Variants in CYP3A5 observed in about 807,000 individuals in gnomAD.
CYP3A5 encodes cytochrome P450 3A5.
CYP3A5 carries 51 observed loss-of-function variants against 55.9 expected under a neutral mutation model. The observed-to-expected ratio is 0.91, with a 90% CI of 0.73 to 1.15. The LOEUF (loss-of-function observed/expected upper bound fraction) is 1.15, where lower values mean the gene tolerates loss of function less well. Among genes scored for constraint, CYP3A5 ranks in the 50% most tolerant of loss-of-function variants. The pLI, the probability that CYP3A5 is intolerant of heterozygous loss-of-function variation, is 0.00. For missense variants in CYP3A5, 533 were observed against 596.6 expected (o/e 0.89, Z 1.11); for synonymous variants, 196 against 213.9 (o/e 0.92, Z 0.73).
At chr7:99,674,501 G>T in intron 3 of CYP3A5, 32 bp downstream of exon 3, 1 of 1,586,008 alleles carries the variant, frequency 6.3e-7, no homozygotes, top group Non-Finnish European at 8.7e-7. Flanking sequence ...ACAGTAGCAG[G>T]TCTATCCAAT....
chr7:99,669,672 G>A (rs960866316), intron 4 of CYP3A5, among the ~76,000 whole-genome samples: 9 of 152,012 alleles, frequency 5.9e-5, no homozygotes, highest in Non-Finnish European at 1.2e-4. Context: ...CTACAGATAC[G>A]GCACAACTTG....
At chr7:99,658,451 A>C (rs1396428495) in intron 10 of CYP3A5, among the ~76,000 whole-genome samples, 3 of 152,040 alleles carry the variant, frequency 2.0e-5, no homozygotes, top group African/African-American at 7.3e-5. Flanking sequence ...CGAGAGATCC[A>C]CTGTTAGTCT....
At chr7:99,678,372 G>T (rs1812497876) in intron 1 of CYP3A5, among the ~76,000 whole-genome samples, 1 of 152,240 alleles carries the variant, frequency 6.6e-6, no homozygotes, top group East Asian at 1.9e-4. Context: ...CTACCTGGAA[G>T]CCTTTGCTAT....
At chr7:99,652,445 C>A in intron 11 of CYP3A5, 108 bp downstream of exon 11, 10 of 728,972 alleles carry the variant, frequency 1.4e-5, no homozygotes, top group Non-Finnish European at 1.5e-5. Context: ...AAAAGACTTA[C>A]AAGCAAATGA....
chr7:99,673,716 G>A (rs561870530), intron 3 of CYP3A5, among the ~76,000 whole-genome samples: 1 of 152,286 alleles, frequency 6.6e-6, no homozygotes, highest in African/African-American at 2.4e-5. Context: ...GAATCAATGT[G>A]GGAAGGAGAT....
At chr7:99,652,361 C>T in intron 11 of CYP3A5, 192 bp downstream of exon 11, 1 of 468,058 alleles carries the variant, frequency 2.1e-6, no homozygotes, top group Non-Finnish European at 3.8e-6. Flanking sequence ...TGTGCTGGGA[C>T]TGTGGATGGA....
intron 11 of CYP3A5, among the ~76,000 whole-genome samples, chr7:99,651,610 G>T (rs982045431): frequency 3.9e-5 from 6 of 152,158 alleles, no homozygotes; most frequent in Non-Finnish European, 5.9e-5. Flanking sequence ...ACAAGACAAG[G>T]TTCCTCCCAT....
chr7:99,676,687 C>T, intron 1 of CYP3A5: 4 of 592,782 alleles, frequency 6.7e-6, no homozygotes, highest in South Asian at 1.4e-5. Context: ...TGACACTGCC[C>T]TTACAATTTG....
rs1810301000 is a variant in CYP3A5 at position 99,660,312 on chromosome 7, T to C, written c.1026+187A>G. ...CCAGCAATATTGTACAAAGATCTTA[T>C]GCTTCTGCCAGTAGCAACCGTTCTC... On this transcript the variant is annotated intron_variant, in intron 10 of 12. Coordinates refer to ENST00000222982, the MANE Select transcript of CYP3A5 (RefSeq NM_000777.5). 5.0e-6 allele frequency: 6 copies of C among 1,207,350 alleles called. No individual in the cohort carries two copies. In the South Asian group the frequency reaches 8.6e-5, roughly 17 times the overall value. The allele number at this position is 1,207,350 out of a possible 1,614,324, so 74.8% of individuals were successfully genotyped here.
chr7:99,652,981 A>G (rs1258266862), intron 10 of CYP3A5, among the ~76,000 whole-genome samples: 2 of 152,176 alleles, frequency 1.3e-5, no homozygotes, highest in Non-Finnish European at 2.9e-5. Flanking sequence ...GGAGTTATGA[A>G]TGTAGGAGAT....
chr7:99,660,703 A>G (rs1342035887), intron 9 of CYP3A5, 44 bp from the exon 10 acceptor site: 1 of 1,602,786 alleles, frequency 6.2e-7, no homozygotes, highest in Non-Finnish European at 8.5e-7. Context: ...AGGTCAACGT[A>G]CAACATCACA....
intron 10 of CYP3A5, chr7:99,660,067 C>T (rs1471812773): frequency 5.3e-6 from 2 of 376,122 alleles, no homozygotes; most frequent in African/African-American, 4.4e-5. Flanking sequence ...ACTGCACCCA[C>T]TGTCCTGCAC....
intron 11 of CYP3A5, 183 bp downstream of exon 11, chr7:99,652,370 G>T: frequency 2.0e-6 from 1 of 490,726 alleles, no homozygotes; most frequent in Non-Finnish European, 3.6e-6. Flanking sequence ...ACTGTGGATG[G>T]ATGTAGTTTC....
In CYP3A5 at chr7:99,666,850, A is replaced by T. The variant is rs567536027; in HGVS notation, c.432+102T>A. 9.5e-6 allele frequency: 15 copies of T among 1,582,364 alleles called. No individual in the cohort carries two copies. The African/African-American group carries it at 1.5e-4, about 16-fold the overall frequency. ...AAAAGACCATTTTTAGGAAGCTCGA[A>T]CTCAGTGGACTACCCCTTGGAAACG... On this transcript the variant is annotated intron_variant, in intron 5 of 12. Coordinates refer to ENST00000222982, the MANE Select transcript of CYP3A5 (RefSeq NM_000777.5).
intron 9 of CYP3A5, among the ~76,000 whole-genome samples, chr7:99,661,664 C>A (rs780460543): frequency 5.9e-5 from 9 of 152,158 alleles, no homozygotes; most frequent in Non-Finnish European, 1.3e-4. Context: ...AACTCACAAC[C>A]AAACACAATA....
At position 99,666,702 on chromosome 7, in the gene CYP3A5, C is replaced by T. The variant is rs1195575963; in HGVS notation, c.433-13G>A. 2 of 1,613,946 alleles carry T rather than the reference C, an allele frequency of 1.2e-6. No homozygotes were observed. The highest frequency in any genetic ancestry group is 2.7e-5 in the African/African-American group (2 of 74,932). Reference sequence around the variant, plus strand: ...TGATGGGGAACATCTAAGCACAAAACAGATCAGTACCTGTAGTTAAATGTG... The same window carrying T: ...TGATGGGGAACATCTAAGCACAAAATAGATCAGTACCTGTAGTTAAATGTG... On this transcript the variant is annotated splice_polypyrimidine_tract_variant and intron_variant, in intron 5 of 12. Transcript: ENST00000222982.
chr7:99,663,294 A>G (rs1367255437), intron 8 of CYP3A5: 44 of 994,962 alleles, frequency 4.4e-5, no homozygotes, highest in Non-Finnish European at 5.1e-5. Context: ...TCCAGAACTC[A>G]TCAGCAGCTT....
At chr7:99,650,322 T>G (rs1809048509) in intron 11 of CYP3A5, 90 bp from the exon 12 acceptor site, 1 of 1,206,196 alleles carries the variant, frequency 8.3e-7, no homozygotes. Flanking sequence ...ACAACCCCCC[T>G]CCACCTCCCA....
Position 99,652,675 on chromosome 7 carries a change from G to C in CYP3A5, c.1131C>G (p.Cys377Trp). Residue 377 changes from cysteine to tryptophan, a missense_variant, in exon 11 of 13, where the codon TGC becomes TGG. Cys to Trp is a radical substitution (Grantham distance 215). Transcript: ENST00000222982. ...FPVAIRLERT[C>W]KKDVEINGVF... Reference sequence around the variant, plus strand: ...CCCCATTGATTTCAACATCTTTCTTGCAAGTCCTCTCAAGTCTAATAGCAA... The same window carrying C: ...CCCCATTGATTTCAACATCTTTCTTCCAAGTCCTCTCAAGTCTAATAGCAA... 1.9e-6 allele frequency: 3 copies of C among 1,614,002 alleles called. No individual in the cohort carries two copies. The highest frequency in any genetic ancestry group is 2.5e-6 in the Non-Finnish European group (3 of 1,179,942).
Sources: allele counts gnomAD v4.1 joint callset (sites outside exome capture counted in the v4.1 genomes callset), GRCh38; gene constraint gnomAD v4.1.1; transcripts MANE v1.5; gene names NCBI Gene and HGNC (gene_info 2026-07-23, HGNC 2026-07-21).